The following ANLN variants were observed in gnomAD, a reference collection of about 807,000 sequenced individuals.
ANLN encodes anillin.
In ANLN, 59 loss-of-function variants were observed where a neutral mutation model predicts 135.1. That is an observed-to-expected ratio of 0.44 (90% confidence interval 0.35 to 0.54). ANLN has a LOEUF of 0.54. ANLN is among the 20% of genes least tolerant of loss of function. The pLI is 0.00. For missense variants in ANLN, 1,182 were observed against 1,340.0 expected, an observed-to-expected ratio of 0.88 and a Z score of 1.84; for synonymous variants, 406 against 456.4, an observed-to-expected ratio of 0.89 and a Z score of 1.41.
intron 1 of ANLN, chr7:36,390,282 C>T: frequency 1.6e-6 from 1 of 607,406 alleles, no homozygotes; most frequent in South Asian, 2.1e-5. Context: ...TTGAGTCTGT[C>T]CTAAAAGGCT....
chr7:36,435,736 G>A (rs1292637983), intron 20 of ANLN, among the ~76,000 whole-genome samples: 1 of 150,716 alleles, frequency 6.6e-6, no homozygotes, highest in Non-Finnish European at 1.5e-5. Context: ...AGCCGGGCGT[G>A]GTAGCGGGCG....
chr7:36,429,673 A>G (rs1377906076), intron 20 of ANLN, among the ~76,000 whole-genome samples: 1 of 152,216 alleles, frequency 6.6e-6, no homozygotes, highest in African/African-American at 2.4e-5. Flanking sequence ...TTGGGATTTT[A>G]CGAACTGTGT....
rs907978488 is a variant in ANLN at position 36,411,177 on chromosome 7, C to T, written c.1395+11C>T. On this transcript the variant is annotated intron_variant, in intron 7 of 23. Coordinates refer to ENST00000265748, the MANE Select transcript of ANLN (RefSeq NM_018685.5). ...CTAGAAACCAAACAGGTAATGTAAA[C>T]AAGAAATATAAAAACGAACTTGGTC... The T allele has an allele frequency of 4.4e-6, 7 of 1,589,032 alleles. No individual in the cohort carries two copies. In the South Asian group the frequency reaches 8.1e-5, roughly 18 times the overall value.
Position 36,415,784 on chromosome 7 carries a change from C to CA in ANLN, c.1428dup (p.His477ThrfsTer27). ...AAACTCACTGTCAGAGCACTCCCCT[C>CA]AAAAAACACCAAGGTGTTTCAAAAA... is the stretch of plus-strand genomic sequence containing the variant. On this transcript the variant is annotated frameshift_variant, in exon 8 of 24. Transcript: ENST00000265748. LOFTEE classifies it high-confidence loss of function. 6.2e-7 allele frequency: 1 copy of CA among 1,604,912 alleles called. No homozygotes were observed. The highest frequency in any genetic ancestry group is 8.5e-7 in the Non-Finnish European group (1 of 1,177,170).
In ANLN at chr7:36,423,957, G is replaced by A; in HGVS notation, c.2603+14G>A. The A allele has an allele frequency of 1.9e-6, 3 of 1,598,798 alleles. No homozygotes were observed. The highest frequency in any genetic ancestry group is 1.1e-5 in the South Asian group (1 of 88,366). ...TACATTTACTCTGTAAGTAAATCAG[G>A]CTTTTGATGATTCGAATGCATTTTT... On this transcript the variant is annotated intron_variant, in intron 15 of 23. Transcript: ENST00000265748.
In ANLN at chr7:36,452,508, CG is replaced by C. The variant is rs1427980875; in HGVS notation, c.3286del (p.Asp1096IlefsTer38). 2 of 1,613,884 alleles carry C rather than the reference CG, an allele frequency of 1.2e-6. No homozygotes were observed. The highest frequency in any genetic ancestry group is 1.7e-6 in the Non-Finnish European group (2 of 1,179,936). On this transcript the variant is annotated frameshift_variant, in exon 24 of 24. Transcript: ENST00000265748. LOFTEE classifies it high-confidence loss of function. ...NWLSADTKEERDLWMQKLNQV... is the reference protein window; with the variant it reads ...NWLSADTKEEXDLWMQKLNQV... ...GCTGTCTGCAGATACTAAAGAAGAG[CG>C]GGATCTCTGGATGCAAAAACTCAAT...
At chr7:36,437,192 A>C (rs1788581801) in intron 20 of ANLN, among the ~76,000 whole-genome samples, 1 of 152,126 alleles carries the variant, frequency 6.6e-6, no homozygotes, top group Admixed American at 6.5e-5. Flanking sequence ...TTCTGCTTCT[A>C]TGAGGTTGGC....
At chr7:36,412,185 A>G (rs1583612402) in intron 7 of ANLN, among the ~76,000 whole-genome samples, 1 of 151,280 alleles carries the variant, frequency 6.6e-6, no homozygotes, top group African/African-American at 2.4e-5. Flanking sequence ...TCTGTCACCC[A>G]CCTGCCTCGT....
rs370485223 is a variant in ANLN at position 36,420,344 on chromosome 7, A to T, written c.2015+30A>T. The T allele has an allele frequency of 3.7e-6, 6 of 1,608,144 alleles. No homozygotes were observed. The Middle Eastern group carries it at 6.6e-4, about 178-fold the overall frequency. ...GAACATTTCTGGAAGGCATTCACTC[A>T]CTAAGGGTCATGGTTTAGATTGACA... is the stretch of plus-strand genomic sequence containing the variant. On this transcript the variant is annotated intron_variant, in intron 11 of 23. Transcript: ENST00000265748.
chr7:36,402,468 C>A (rs1295008482), intron 3 of ANLN, among the ~76,000 whole-genome samples: 1 of 152,138 alleles, frequency 6.6e-6, no homozygotes, highest in Non-Finnish European at 1.5e-5. Context: ...CAGACCTCTG[C>A]CCTGTCCAGT....
At chr7:36,394,112 C>T (rs6964685) in intron 1 of ANLN, among the ~76,000 whole-genome samples, 17,877 of 152,070 alleles carry the variant, frequency 0.12, 1,064 homozygotes, top group East Asian at 0.19. Context: ...TACAGATGTG[C>T]CCCACCATGC....
At chr7:36,419,123 G>T (rs1787766119) in intron 9 of ANLN, 121 bp from the exon 10 acceptor site, 5 of 634,378 alleles carry the variant, frequency 7.9e-6, no homozygotes, top group Non-Finnish European at 1.3e-5. Context: ...TTTTTAGGAG[G>T]TGCTTTTTTT....
At chr7:36,449,940 G>A in intron 23 of ANLN, 103 bp downstream of exon 23, 1 of 1,140,222 alleles carries the variant, frequency 8.8e-7, no homozygotes, top group Non-Finnish European at 1.2e-6. Context: ...ACGTTGAAAA[G>A]GGCACAGCCT....
chr7:36,410,423 G>T, intron 5 of ANLN, 91 bp from the exon 6 acceptor site: 1 of 1,086,124 alleles, frequency 9.2e-7, no homozygotes, highest in Admixed American at 3.2e-5. Flanking sequence ...AAAGCATTTT[G>T]AAGCTGTAAT....
intron 14 of ANLN, 84 bp downstream of exon 14, chr7:36,422,893 A>T: frequency 8.0e-7 from 1 of 1,245,752 alleles, no homozygotes; most frequent in Non-Finnish European, 1.1e-6. Context: ...CAAGTAAATC[A>T]TGCATAACAA....
chr7:36,409,616 A>C (rs1387037764), intron 5 of ANLN, among the ~76,000 whole-genome samples: 1 of 151,852 alleles, frequency 6.6e-6, no homozygotes, highest in Non-Finnish European at 1.5e-5. Context: ...CCCTACTTTA[A>C]ATTTACTTCA....
intron 12 of ANLN, among the ~76,000 whole-genome samples, chr7:36,421,195 G>GC (rs1787861777): frequency 6.6e-6 from 1 of 151,752 alleles, no homozygotes; most frequent in African/African-American, 2.4e-5. Flanking sequence ...AGCCTCCCAA[G>GC]TAGCTGAGAT....
chr7:36,429,733 T>G (rs1754277348), intron 20 of ANLN, among the ~76,000 whole-genome samples: 1 of 152,242 alleles, frequency 6.6e-6, no homozygotes. Context: ...GTAAGAGATT[T>G]CATTAATCTC....
chr7:36,424,417 T>A, intron 15 of ANLN, 128 bp from the exon 16 acceptor site: 2 of 702,592 alleles, frequency 2.8e-6, no homozygotes, highest in East Asian at 2.9e-5. Flanking sequence ...TTCTTAACAA[T>A]TTTTATTGAC....
Sources: gnomAD v4.1 joint callset for allele counts (sites outside exome capture counted in the v4.1 genomes callset) on GRCh38, gnomAD v4.1.1 for gene constraint, MANE v1.5 for transcripts, NCBI Gene and HGNC (gene_info 2026-07-23, HGNC 2026-07-21) for gene names.